FRAS1: variants seen among roughly 807,000 people sequenced by gnomAD.
FRAS1 encodes extracellular matrix organizing protein FRAS1.
In FRAS1, 290 loss-of-function variants were observed where a neutral mutation model predicts 435.2. That is an observed-to-expected ratio of 0.67 (90% confidence interval 0.61 to 0.73). FRAS1 has a LOEUF of 0.73. Ranked by LOEUF, FRAS1 falls within the 30% of genes least tolerant of loss-of-function variation. The pLI, the probability that FRAS1 is intolerant of heterozygous loss-of-function variation, is 0.00. For missense variants in FRAS1, 4,860 were observed against 5,001.5 expected (o/e 0.97, Z 0.85); for synonymous variants, 1,800 against 1,851.0 (o/e 0.97, Z 0.71).
intron 2 of FRAS1, among the ~76,000 whole-genome samples, chr4:78,137,914 T>C (rs552291411): frequency 1.1e-4 from 16 of 152,338 alleles, no homozygotes; most frequent in Middle Eastern, 3.4e-3. Context: ...TAGTATGAAA[T>C]GCTTAGTGCA....
chr4:78,258,636 T>A (rs1390356548), intron 6 of FRAS1, among the ~76,000 whole-genome samples: 6 of 147,996 alleles, frequency 4.1e-5, no homozygotes, highest in African/African-American at 1.5e-4. Context: ...TTTTTTTTTT[T>A]AGATATTCTT....
rs1222803627 is a variant in FRAS1, at chr4:78,110,242, A to G, written c.108+44226A>G. ...CAATGACTTTCTTCACAGAATTGGA[A>G]AAAACTACTTTAAAGTTCATATGGA... On this transcript the variant is annotated intron_variant, in intron 2 of 73. Coordinates refer to ENST00000512123, the MANE Select transcript of FRAS1 (RefSeq NM_025074.7). 3.8e-5 allele frequency among the ~76,000 whole-genome samples: 3 copies of G among 79,302 alleles called. 1 individual carries two copies. The highest frequency in any genetic ancestry group is 8.6e-4 in the South Asian group (2 of 2,326). 52.0% of individuals were successfully genotyped at this position (79,302 alleles called of 152,430 possible). A position where few individuals can be genotyped will look rare whatever the true frequency, so the allele number is the denominator to read the frequency against.
chr4:78,344,586 A>ATTTTTT (rs112149675), intron 20 of FRAS1, among the ~76,000 whole-genome samples: 14 of 141,726 alleles, frequency 9.9e-5, no homozygotes, highest in African/African-American at 2.6e-4. Flanking sequence ...CTCAAGAATG[A>ATTTTTT]TTTTTTTTTT....
Position 78,430,352 on chromosome 4 carries a change from G to T in FRAS1, c.4904G>T (p.Arg1635Leu). 1 of 1,613,780 alleles carries T rather than the reference G, an allele frequency of 6.2e-7. No homozygotes were observed. The change falls in exon 37 of 74, where the codon CGG becomes CTG. Residue 1635 changes from arginine (R) to leucine (L), a missense_variant. Coordinates refer to ENST00000512123, the MANE Select transcript of FRAS1 (RefSeq NM_025074.7). ...CCCAAAGAACTCTTCTTTGAGCTTC[G>T]GAGACCTCCACAGCATGGTGTGCTT... ...TAPKELFFEL[R>L]RPPQHGVLLK...
At chr4:78,476,777 G>A (rs981611255) in intron 54 of FRAS1, among the ~76,000 whole-genome samples, 3 of 152,114 alleles carry the variant, frequency 2.0e-5, no homozygotes, top group African/African-American at 7.2e-5. Context: ...TAATAAAAGT[G>A]TTATTAGTTG....
intron 2 of FRAS1, among the ~76,000 whole-genome samples, chr4:78,142,032 T>C (rs1720210904): frequency 6.6e-6 from 1 of 152,012 alleles, no homozygotes; most frequent in African/African-American, 2.4e-5. Flanking sequence ...TATGGTGCAG[T>C]GTATACTGTT....
chr4:78,255,187 C>A, intron 5 of FRAS1, 55 bp from the exon 6 acceptor site: 1 of 1,543,370 alleles, frequency 6.5e-7, no homozygotes. Context: ...TGCAGTCAGC[C>A]CTGGGATCAA....
chr4:78,344,298 G>T (rs140662904), intron 20 of FRAS1, among the ~76,000 whole-genome samples: 344 of 152,128 alleles, frequency 2.3e-3, no homozygotes, highest in Admixed American at 7.1e-3. Context: ...TGTGCTAATT[G>T]CTTTGAATGC....
At chr4:78,285,986 G>A (rs1044342873) in intron 13 of FRAS1, among the ~76,000 whole-genome samples, 5 of 152,118 alleles carry the variant, frequency 3.3e-5, no homozygotes, top group African/African-American at 1.2e-4. Flanking sequence ...TGGAAAAGGG[G>A]CAAGAGATCT....
At position 78,534,573 on chromosome 4, in the gene FRAS1, A is replaced by G; in HGVS notation, c.11050A>G (p.Met3684Val). The G allele has an allele frequency of 1.9e-6, 3 of 1,613,462 alleles. No homozygotes were observed. Among genetic ancestry groups the G allele is most frequent in the Non-Finnish European group, 2.5e-6 (3 of 1,179,620 alleles). Reference sequence around the variant, plus strand: ...CCTAATGGATCCCAATACATCTGATATGTCACTAGCAGAAATGGATTACAA... The same window carrying G: ...CCTAATGGATCCCAATACATCTGATGTGTCACTAGCAGAAATGGATTACAA... ...VFLMDPNTSDMSLAEMDYKGA... is the reference protein window; with the variant it reads ...VFLMDPNTSDVSLAEMDYKGA... Residue 3684 changes from methionine to valine, a missense_variant, in exon 71 of 74, where the codon ATG (methionine) becomes GTG (valine). By Grantham distance (21) the Met-to-Val change is conservative. Coordinates refer to ENST00000512123, the MANE Select transcript of FRAS1 (RefSeq NM_025074.7).
chr4:78,098,939 C>T (rs186623646), intron 2 of FRAS1, among the ~76,000 whole-genome samples: 4 of 152,290 alleles, frequency 2.6e-5, no homozygotes, highest in Admixed American at 2.0e-4. Context: ...CACTTGGAAA[C>T]GTGCTCTCTT....
chr4:78,465,059 G>A (rs1719486215), intron 49 of FRAS1, among the ~76,000 whole-genome samples: 1 of 152,190 alleles, frequency 6.6e-6, no homozygotes, highest in Admixed American at 6.5e-5. Flanking sequence ...GGCATGTGGA[G>A]ACTAAGCTTT....
At chr4:78,209,070 G>A (rs1320631714) in intron 2 of FRAS1, among the ~76,000 whole-genome samples, 1 of 152,090 alleles carries the variant, frequency 6.6e-6, no homozygotes, top group Non-Finnish European at 1.5e-5. Context: ...TCTTGAGCCA[G>A]GGAGGTCAAG....
In FRAS1 at chr4:78,412,821, T is replaced by C. The variant is rs959301471; in HGVS notation, c.4309-148T>C. On this transcript the variant is annotated intron_variant, in intron 31 of 73. Transcript: ENST00000512123. Reference sequence around the variant, plus strand: ...AAAATATGAATCAGTAAAAGATCAATATTAAAATATGAAGGGCAGAATGAG... The same window carrying C: ...AAAATATGAATCAGTAAAAGATCAACATTAAAATATGAAGGGCAGAATGAG... 3 of 433,446 alleles carry C rather than the reference T, an allele frequency of 6.9e-6. No homozygotes were observed. In the Admixed American group the frequency reaches 1.3e-4, roughly 19 times the overall value. The allele number at this position is 433,446 out of a possible 1,614,324, so 26.9% of individuals were successfully genotyped here.
At position 78,453,306 on chromosome 4, in the gene FRAS1, G is replaced by A. The variant is rs555555846; in HGVS notation, c.6763+952G>A. On this transcript the variant is annotated intron_variant, in intron 47 of 73. Transcript: ENST00000512123. Reference sequence around the variant, plus strand: ...AGCTTTCACATTTGGCCAGGTAGAAGGTAGTGGGATTTCACCTAGAGCAGC... The same window carrying A: ...AGCTTTCACATTTGGCCAGGTAGAAAGTAGTGGGATTTCACCTAGAGCAGC... Among the ~76,000 whole-genome samples the A allele has an allele frequency of 8.5e-5, 13 of 152,276 alleles. 1 individual carries two copies. In the South Asian group the frequency reaches 2.7e-3, roughly 32 times the overall value.
rs921563482 is a variant in FRAS1, at chr4:78,105,032, C to A, written c.108+39016C>A. Among the ~76,000 whole-genome samples the A allele has an allele frequency of 7.2e-5, 11 of 152,124 alleles. 1 individual carries two copies. The highest frequency in any genetic ancestry group is 2.7e-4 in the African/African-American group (11 of 41,508). Reference sequence around the variant, plus strand: ...TTCATTAGTAGTTTGGTTTCCTTTCCAGGGTTTTCCTTCCTTTAGTTCCAA... The same window carrying A: ...TTCATTAGTAGTTTGGTTTCCTTTCAAGGGTTTTCCTTCCTTTAGTTCCAA... On this transcript the variant is annotated intron_variant, in intron 2 of 73. Transcript: ENST00000512123.
At chr4:78,259,155 T>C (rs74525261) in intron 6 of FRAS1, among the ~76,000 whole-genome samples, 43,137 of 49,394 alleles carry the variant, frequency 0.87, 20,083 homozygotes, top group Non-Finnish European at 0.99. Context: ...TGAATAATGC[T>C]GCAATAAACA....
At chr4:78,137,291 T>C (rs937950686) in intron 2 of FRAS1, among the ~76,000 whole-genome samples, 1 of 152,182 alleles carries the variant, frequency 6.6e-6, no homozygotes, top group Admixed American at 6.5e-5. Flanking sequence ...CTCTGTTGGT[T>C]CCAGGGAATT....
At chr4:78,514,165 A>G (rs1721133212) in intron 65 of FRAS1, among the ~76,000 whole-genome samples, 1 of 152,236 alleles carries the variant, frequency 6.6e-6, no homozygotes, top group African/African-American at 2.4e-5. Flanking sequence ...GACTTGTCCT[A>G]CTTCCAGCTG....
Sources: allele counts gnomAD v4.1 joint callset (sites outside exome capture counted in the v4.1 genomes callset), GRCh38; gene constraint gnomAD v4.1.1; transcripts MANE v1.5; gene names NCBI Gene and HGNC (gene_info 2026-07-23, HGNC 2026-07-21).